Variants in PLPPR5 observed in about 807,000 individuals in gnomAD.
The protein encoded by PLPPR5 is phospholipid phosphatase related 5.
PLPPR5 carries 16 observed loss-of-function variants against 33.9 expected under a neutral mutation model. The ratio of observed to expected loss-of-function variants is 0.47; its 90% CI spans 0.32 to 0.72. The LOEUF is 0.72. Among genes scored for constraint, PLPPR5 ranks in the 30% least tolerant of loss-of-function variants. The pLI, the probability that PLPPR5 is intolerant of heterozygous loss-of-function variation, is 0.03. For synonymous variants in PLPPR5, 163 were observed against 150.3 expected, an observed-to-expected ratio of 1.08 and a Z score of -0.62; for missense variants, 301 against 406.7, an observed-to-expected ratio of 0.74 and a Z score of 2.23.
chr1:98,991,545 A>G (rs1652451594), intron 1 of PLPPR5, among the ~76,000 whole-genome samples: 1 of 152,196 alleles, frequency 6.6e-6, no homozygotes, highest in African/African-American at 2.4e-5. Context: ...CAGCCAGAAT[A>G]GTAGAAAGGG....
intron 3 of PLPPR5, among the ~76,000 whole-genome samples, chr1:98,952,633 T>A (rs1215702274): frequency 1.3e-5 from 2 of 152,170 alleles, no homozygotes; most frequent in Non-Finnish European, 2.9e-5. Flanking sequence ...GAAGATATAG[T>A]TGCCTGTAAT....
chr1:98,947,279 T>C (rs1650590710), intron 3 of PLPPR5, among the ~76,000 whole-genome samples: 1 of 152,226 alleles, frequency 6.6e-6, no homozygotes, highest in African/African-American at 2.4e-5. Context: ...GGTGATCTCA[T>C]GCTGCTTAGT....
chr1:98,908,462 T>A (rs918270864), intron 5 of PLPPR5, among the ~76,000 whole-genome samples: 1 of 152,194 alleles, frequency 6.6e-6, no homozygotes, highest in Non-Finnish European at 1.5e-5. Flanking sequence ...AGAAATTTGT[T>A]TCTTGGACTC....
chr1:98,914,771 T>C lies in PLPPR5; in HGVS notation c.933+15A>G. Reference sequence around the variant, plus strand: ...GCTCTAGTTATTATAATTTAGAATTTAAATTGTGAGTCACCTGTACAGATG... The same window carrying C: ...GCTCTAGTTATTATAATTTAGAATTCAAATTGTGAGTCACCTGTACAGATG... On this transcript the variant is annotated intron_variant, in intron 5 of 5. Transcript: ENST00000263177. 1 of 1,595,762 alleles carries C rather than the reference T, an allele frequency of 6.3e-7. No individual in the cohort carries two copies. Among genetic ancestry groups the C allele is most frequent in the Non-Finnish European group, 8.5e-7 (1 of 1,171,946 alleles).
chr1:99,004,296 TG>T, intron 1 of PLPPR5, 138 bp downstream of exon 1: 1 of 731,888 alleles, frequency 1.4e-6, no homozygotes, highest in African/African-American at 1.8e-5. Context: ...GAATGTCCTC[TG>T]GGGAAGGGGC....
chr1:98,895,862 TG>T (rs934165613), intron 5 of PLPPR5, among the ~76,000 whole-genome samples: 5 of 151,998 alleles, frequency 3.3e-5, no homozygotes, highest in African/African-American at 1.2e-4. Context: ...AACACTGAAG[TG>T]ACTATGCCTA....
intron 1 of PLPPR5, among the ~76,000 whole-genome samples, chr1:98,978,545 C>T (rs1224210747): frequency 6.6e-6 from 1 of 152,052 alleles, no homozygotes; most frequent in Non-Finnish European, 1.5e-5. Flanking sequence ...CCCTGGAACA[C>T]ATCTTTTGCC....
intron 5 of PLPPR5, among the ~76,000 whole-genome samples, chr1:98,904,952 C>T (rs375667356): frequency 7.2e-5 from 11 of 152,304 alleles, no homozygotes; most frequent in Admixed American, 3.9e-4. Flanking sequence ...CAGCACCTAA[C>T]AGCAGACTTT....
rs768536793 is a variant in PLPPR5 at position 98,921,891 on chromosome 1, T to C, written c.789A>G (p.Ala263=). The C allele has an allele frequency of 1.2e-6, 2 of 1,607,230 alleles. No homozygotes were observed. The highest frequency in any genetic ancestry group is 2.2e-5 in the East Asian group (1 of 44,772). ...ATAAATTTGTACTTACCAGAAATAC[T>C]GCTATAGATATTCCAACCAGAAAGC... ...IAGFLVGISI[A]VFLVVCVVNN... The change falls in exon 4 of 6, where the codon GCA becomes GCG. Residue 263 remains alanine (A), a synonymous_variant. Transcript: ENST00000263177.
intron 3 of PLPPR5, among the ~76,000 whole-genome samples, chr1:98,942,450 G>A (rs933557820): frequency 6.6e-6 from 1 of 152,196 alleles, no homozygotes; most frequent in African/African-American, 2.4e-5. Flanking sequence ...ATCTCTGGCT[G>A]TGCATTAGCT....
chr1:98,909,547 G>A (rs572494636), intron 5 of PLPPR5, among the ~76,000 whole-genome samples: 1 of 151,544 alleles, frequency 6.6e-6, no homozygotes, highest in Non-Finnish European at 1.5e-5. Context: ...ATTATTAAGG[G>A]TTTCACTGGT....
At chr1:98,965,821 G>A (rs562292628) in intron 1 of PLPPR5, among the ~76,000 whole-genome samples, 4 of 152,312 alleles carry the variant, frequency 2.6e-5, no homozygotes, top group South Asian at 2.1e-4. Flanking sequence ...ATGCATCATT[G>A]ATTTGAAATT....
chr1:98,908,727 TG>T (rs1166391597), intron 5 of PLPPR5, among the ~76,000 whole-genome samples: 1 of 152,090 alleles, frequency 6.6e-6, no homozygotes, highest in Non-Finnish European at 1.5e-5. Flanking sequence ...GTACCTAAAA[TG>T]GGGATGGCTG....
Position 99,004,457 on chromosome 1 carries a change from G to A in PLPPR5, c.215C>T (p.Ala72Val), listed in dbSNP as rs1652992180. 5 of 1,607,014 alleles carry A rather than the reference G, an allele frequency of 3.1e-6. No homozygotes were observed. The highest frequency in any genetic ancestry group is 4.2e-6 in the Non-Finnish European group (5 of 1,176,588). ...TACCACGAGCACGGGGACCCCGGCG[G>A]CCAGCGAGTAGAGGAGCACGGGGGG... is the stretch of plus-strand genomic sequence containing the variant. ...AVPPVLLYSL[A>V]AGVPVLVIIV... The change falls in exon 1 of 6, where the codon GCC (alanine) becomes GTC (valine). Residue 72 changes from alanine to valine, a missense_variant. Physicochemically the swap from Ala to Val is moderately conservative, Grantham distance 64. Coordinates refer to ENST00000263177, the MANE Select transcript of PLPPR5 (RefSeq NM_001037317.2).
intron 1 of PLPPR5, among the ~76,000 whole-genome samples, chr1:98,986,141 T>A (rs990811170): frequency 6.6e-6 from 1 of 151,984 alleles, no homozygotes; most frequent in Non-Finnish European, 1.5e-5. Flanking sequence ...GTAATGGATA[T>A]TTATGAAACA....
intron 3 of PLPPR5, among the ~76,000 whole-genome samples, chr1:98,928,803 C>T (rs1280316464): frequency 6.6e-6 from 1 of 151,564 alleles, no homozygotes; most frequent in African/African-American, 2.4e-5. Flanking sequence ...ATATTTTTAT[C>T]TACATTTATT....
At chr1:98,956,945 A>C (rs560683247) in intron 1 of PLPPR5, among the ~76,000 whole-genome samples, 1 of 152,110 alleles carries the variant, frequency 6.6e-6, no homozygotes, top group Non-Finnish European at 1.5e-5. Context: ...CCAAATGTCC[A>C]ACAATGATAG....
intron 1 of PLPPR5, among the ~76,000 whole-genome samples, chr1:98,978,675 G>A (rs1051027610): frequency 6.6e-6 from 1 of 151,856 alleles, no homozygotes; most frequent in Admixed American, 6.6e-5. Context: ...TCTGCAAAAG[G>A]GTAATGATAA....
At chr1:98,946,638 C>T (rs1570722557) in intron 3 of PLPPR5, among the ~76,000 whole-genome samples, 2 of 152,124 alleles carry the variant, frequency 1.3e-5, no homozygotes, top group South Asian at 2.1e-4. Flanking sequence ...TGAAGCACTT[C>T]CCGTGATGCT....
Sources: gnomAD v4.1 joint callset for allele counts (sites outside exome capture counted in the v4.1 genomes callset) on GRCh38, gnomAD v4.1.1 for gene constraint, MANE v1.5 for transcripts, NCBI Gene and HGNC (gene_info 2026-07-23, HGNC 2026-07-21) for gene names.